Variants in KCNQ2 observed in about 807,000 individuals in gnomAD.
KCNQ2 encodes the protein potassium voltage-gated channel subfamily KQT member 2.
KCNQ2 carries 14 observed loss-of-function variants against 84.8 expected under a neutral mutation model. That is an observed-to-expected ratio of 0.17 (90% CI 0.11 to 0.26). KCNQ2 has a LOEUF of 0.26. Ranked by LOEUF, KCNQ2 falls within the 10% of genes least tolerant of loss-of-function variation. The pLI is 1.00. For synonymous variants in KCNQ2, 599 were observed against 554.1 expected, an observed-to-expected ratio of 1.08 and a Z score of -1.14; for missense variants, 788 against 1,254.0, an observed-to-expected ratio of 0.63 and a Z score of 5.61.
chr20:63,466,066 C>G (rs1223162240), intron 1 of KCNQ2, among the ~76,000 whole-genome samples: 1 of 152,198 alleles, frequency 6.6e-6, no homozygotes, highest in Non-Finnish European at 1.5e-5. Flanking sequence ...GTTTCTCAAG[C>G]CGAAGATCAT....
At chr20:63,433,271 G>A (rs2080886627) in intron 8 of KCNQ2, among the ~76,000 whole-genome samples, 1 of 152,228 alleles carries the variant, frequency 6.6e-6, no homozygotes. Flanking sequence ...CTCCAAGGTT[G>A]TCTGTGTGCT....
At position 63,411,417 on chromosome 20, in the gene KCNQ2, G is replaced by T. The variant is rs565768709; in HGVS notation, c.1763+2033C>A. On this transcript the variant is annotated intron_variant, in intron 15 of 16. Coordinates refer to ENST00000359125, the MANE Select transcript of KCNQ2 (RefSeq NM_172107.4). ...AGGAGGGGCCTGTCCAGGGGGCACG[G>T]GCAGGGCCAGAGGGATGTCTGTGCA... Among the ~76,000 whole-genome samples, 6 of 152,324 alleles carry T rather than the reference G, an allele frequency of 3.9e-5. No homozygotes were observed. In the South Asian group the frequency reaches 1.2e-3, roughly 32 times the overall value.
At chr20:63,415,865 T>TC (rs1251079474) in intron 12 of KCNQ2, among the ~76,000 whole-genome samples, 1 of 151,614 alleles carries the variant, frequency 6.6e-6, no homozygotes, top group Non-Finnish European at 1.5e-5. Flanking sequence ...GCCTCCCTCC[T>TC]CCCCTCCCAC....
intron 7 of KCNQ2, chr20:63,434,186 G>A (rs1215532467): frequency 6.0e-6 from 3 of 501,222 alleles, no homozygotes; most frequent in African/African-American, 1.9e-5. Flanking sequence ...CAGGGAGGCT[G>A]TGTTCTTTCC....
Position 63,420,907 on chromosome 20 carries a change from G to A in KCNQ2, c.1248-1235C>T, listed in dbSNP as rs554950878. ...TTAACCACGAACGCGACGGTGGGAC[G>A]AGGCAGGAGGGAGCCGGCTCCCTGC... On this transcript the variant is annotated intron_variant, in intron 11 of 16. Coordinates refer to ENST00000359125, the MANE Select transcript of KCNQ2 (RefSeq NM_172107.4). 1.7e-4 allele frequency among the ~76,000 whole-genome samples: 26 copies of A among 152,310 alleles called. No individual in the cohort carries two copies. The South Asian group carries it at 2.3e-3, about 13-fold the overall frequency.
rs139164500 is a variant in KCNQ2 at position 63,419,661 on chromosome 20, G to A, written c.1259C>T (p.Pro420Leu). The change falls in exon 12 of 17, where the codon CCG becomes CTG. Residue 420 changes from proline to leucine, a missense_variant. Around this residue, in one of 8 missense-constraint regions of KCNQ2, gnomAD observed 202 missense variants for 239.4 expected, o/e 0.84. Coordinates refer to ENST00000359125, the MANE Select transcript of KCNQ2 (RefSeq NM_172107.4). ...GCATCCACACAGGGGCCCTCTGCAC[G>A]GGCTGCCTTTACTGGAAATGAGGAG... ...PPEPSPSKGS[P>L]CRGPLCGCCP... 2.7e-5 allele frequency: 43 copies of A among 1,611,218 alleles called. No individual in the cohort carries two copies. Among genetic ancestry groups the A allele is most frequent in the South Asian group, 5.5e-5 (5 of 90,322 alleles).
chr20:63,425,352 C>T lies in KCNQ2; in HGVS notation c.1218-1146G>A, dbSNP rs958141187. Among the ~76,000 whole-genome samples, 3 of 152,124 alleles carry T rather than the reference C, an allele frequency of 2.0e-5. No individual in the cohort carries two copies. Among genetic ancestry groups the T allele is most frequent in the Admixed American group, 2.0e-4 (3 of 15,272 alleles). On this transcript the variant is annotated intron_variant, in intron 10 of 16. Coordinates refer to ENST00000359125, the MANE Select transcript of KCNQ2 (RefSeq NM_172107.4). This position sits in a 1 kb window ranked among gnomAD's most constrained non-coding sequence, Gnocchi z 5.5. Reference sequence around the variant, plus strand: ...TCATGTCCATCTTACATCGAGAATACACTCACCCCTGCCAAGATCCCCCAA... The same window carrying T: ...TCATGTCCATCTTACATCGAGAATATACTCACCCCTGCCAAGATCCCCCAA...
chr20:63,407,195 C>T lies in KCNQ2; in HGVS notation c.2068G>A (p.Val690Met), dbSNP rs373902907. The part of the protein sequence containing the change: ...VDRHGCIVKI[V>M]RSSSSTGQKN... ...TGGCCCGTGGAGCTGCTGGAGCGCA[C>T]GATCTTGACAATGCAGCCGTGCCTG... The change falls in exon 17 of 17, where the codon GTG becomes ATG. Residue 690 changes from valine to methionine, a missense_variant. Physicochemically the swap from Val to Met is conservative, Grantham distance 21. Coordinates refer to ENST00000359125, the MANE Select transcript of KCNQ2 (RefSeq NM_172107.4). The surrounding 1 kb of genome is among the most constrained non-coding windows in gnomAD (Gnocchi z 7.2). The T allele has an allele frequency of 1.1e-5, 17 of 1,605,936 alleles. No individual in the cohort carries two copies. The South Asian group carries it at 1.3e-4, about 12-fold the overall frequency.
chr20:63,419,494 G>A (rs1186050507), intron 12 of KCNQ2, 125 bp downstream of exon 12: 7 of 924,586 alleles, frequency 7.6e-6, no homozygotes, highest in Non-Finnish European at 1.2e-5. Flanking sequence ...CACCGCCAGG[G>A]CGGTGGGTCA....
At chr20:63,409,842 C>A in intron 15 of KCNQ2, 1 of 86,310 alleles carries the variant, frequency 1.2e-5, no homozygotes, top group Non-Finnish European at 2.3e-5. Flanking sequence ...CTGATGGGGG[C>A]GGGACTTCCT....
At chr20:63,412,062 CG>C (rs1568872164) in intron 15 of KCNQ2, 12 of 558,452 alleles carry the variant, frequency 2.1e-5, no homozygotes, top group Non-Finnish European at 1.3e-5. Context: ...AAGTCCTTCC[CG>C]TGTTTCAAGC....
In KCNQ2 at chr20:63,406,782, A is replaced by G. The variant is rs764786662; in HGVS notation, c.2481T>C (p.Cys827=). 6.2e-7 allele frequency: 1 copy of G among 1,612,606 alleles called. No homozygotes were observed. The highest frequency in any genetic ancestry group is 1.7e-5 in the Admixed American group (1 of 60,018). The change falls in exon 17 of 17, where the codon TGT becomes TGC. Residue 827 remains cysteine, a synonymous_variant. Coordinates refer to ENST00000359125, the MANE Select transcript of KCNQ2 (RefSeq NM_172107.4). ...CCGCAATGTAGGGCCTGACTTTGGC[A>G]CAAGGCGCCACGGCCGCGTAGCAGC... ...LNSCYAAVAP[C]AKVRPYIAEG...
intron 12 of KCNQ2, among the ~76,000 whole-genome samples, chr20:63,417,488 A>T (rs1358549906): frequency 6.6e-6 from 1 of 152,212 alleles, no homozygotes; most frequent in African/African-American, 2.4e-5. Flanking sequence ...CGGGTGGAGG[A>T]CAGAGCCGGT....
In KCNQ2 at chr20:63,419,645, C is replaced by T. The variant is rs1568890277; in HGVS notation, c.1275G>A (p.Leu425=). 1 of 1,611,692 alleles carries T rather than the reference C, an allele frequency of 6.2e-7. No homozygotes were observed. Among genetic ancestry groups the T allele is most frequent in the Admixed American group, 1.7e-5 (1 of 59,850 alleles). Residue 425 remains leucine (L), a synonymous_variant, in exon 12 of 17, where the codon CTG becomes CTA. Transcript: ENST00000359125. ...PSKGSPCRGP[L]CGCCPGRSSQ... The stretch of plus-strand genomic sequence containing the variant: ...TAGAGCGTCCGGGGCAGCATCCACA[C>T]AGGGGCCCTCTGCACGGGCTGCCTT...
chr20:63,427,698 T>G (rs1213900926), intron 10 of KCNQ2, among the ~76,000 whole-genome samples: 2 of 152,190 alleles, frequency 1.3e-5, no homozygotes, highest in African/African-American at 4.8e-5. Flanking sequence ...CTCCCTCTCC[T>G]TGTAAGGACA....
In KCNQ2 at chr20:63,438,481, C is replaced by A. The variant is rs2145710996; in HGVS notation, c.1023+144G>T. ...TCAACACACACACTTCACATCCTCGCTCCTTCCACAGATTCCTGCAGAGGG... is the reference window on the plus strand; with the variant it reads ...TCAACACACACACTTCACATCCTCGATCCTTCCACAGATTCCTGCAGAGGG... On this transcript the variant is annotated intron_variant, in intron 7 of 16. Transcript: ENST00000359125. This position sits in a 1 kb window ranked among gnomAD's most constrained non-coding sequence, Gnocchi z 5.1. The A allele has an allele frequency of 1.3e-6, 1 of 749,032 alleles. No homozygotes were observed. Among genetic ancestry groups the A allele is most frequent in the Admixed American group, 2.0e-5 (1 of 51,028 alleles). The allele number at this position is 749,032 out of a possible 1,614,324, so 46.4% of individuals were successfully genotyped here.
At chr20:63,421,049 G>A (rs2080456790) in intron 11 of KCNQ2, among the ~76,000 whole-genome samples, 1 of 151,948 alleles carries the variant, frequency 6.6e-6, no homozygotes, top group Admixed American at 6.5e-5. Flanking sequence ...CACCACCCAG[G>A]CCCAAGCACA....
chr20:63,465,061 T>C (rs1468919401), intron 1 of KCNQ2, among the ~76,000 whole-genome samples: 2 of 152,244 alleles, frequency 1.3e-5, no homozygotes. Context: ...GGGAAACCTC[T>C]GGCCTGGCCC....
chr20:63,428,318 C>G (rs1568905734), intron 10 of KCNQ2, 49 bp downstream of exon 10: 6 of 1,447,920 alleles, frequency 4.1e-6, no homozygotes, highest in Non-Finnish European at 5.7e-6. Flanking sequence ...CTGGGGCCCC[C>G]AGGAGGACTG....
Sources: allele counts gnomAD v4.1 joint callset (sites outside exome capture counted in the v4.1 genomes callset), GRCh38; gene constraint gnomAD v4.1.1; regional missense constraint gnomAD v4.1.1; non-coding constraint Gnocchi (gnomAD v3.1); transcripts MANE v1.5; gene names NCBI Gene and HGNC (gene_info 2026-07-23, HGNC 2026-07-21).